MYH4: variants seen among roughly 807,000 people sequenced by gnomAD.
MYH4 encodes myosin-4.
MYH4 carries 200 observed loss-of-function variants against 229.9 expected under a neutral mutation model. The observed-to-expected ratio is 0.87, with a 90% CI of 0.78 to 0.98. MYH4 has a LOEUF of 0.98. Ranked by LOEUF, MYH4 falls within the 50% of genes least tolerant of loss-of-function variation. The probability of loss-of-function intolerance (pLI) is 0.00; values close to 1 mark genes in which losing one functional copy is unlikely to be tolerated. For synonymous variants in MYH4, 761 were observed against 834.6 expected (o/e 0.91, Z 1.52); for missense variants, 2,148 against 2,332.6 (o/e 0.92, Z 1.63).
chr17:10,444,898 A>T lies in MYH4; in HGVS notation c.5468T>A (p.Val1823Glu). Residue 1823 changes from valine (V) to glutamate (E), a missense_variant and splice_region_variant, in exon 38 of 40, where the codon GTG (valine) becomes GAG (glutamate). Coordinates refer to ENST00000255381, the MANE Select transcript of MYH4 (RefSeq NM_017533.2). The part of the protein sequence containing the change: ...KKQIQKLEAR[V>E]RELESEVESE... ...TTCCACCTCACTTTCAAGCTCTCTC[A>T]CCTGGAAGGGAACAAAGACGTTTAC... 1 of 1,614,002 alleles carries T rather than the reference A, an allele frequency of 6.2e-7. No homozygotes were observed. The highest frequency in any genetic ancestry group is 8.5e-7 in the Non-Finnish European group (1 of 1,180,014).
At position 10,445,141 on chromosome 17, in the gene MYH4, G is replaced by C. The variant is rs778008447; in HGVS notation, c.5301C>G (p.Ala1767=). The C allele has an allele frequency of 6.8e-6, 11 of 1,614,150 alleles. No individual in the cohort carries two copies. In the East Asian group the frequency reaches 2.5e-4, roughly 36 times the overall value. ...EKAKKAITDA[A]MMAEELKKEQ... ...CCTTCTTCAGCTCCTCAGCCATCAT[G>C]GCAGCCTAGTTAGCAAATAAATTTT... is the stretch of plus-strand genomic sequence containing the variant. Residue 1767 remains alanine, a synonymous_variant, in exon 37 of 40, where the codon GCC becomes GCG. Coordinates refer to ENST00000255381, the MANE Select transcript of MYH4 (RefSeq NM_017533.2).
At position 10,462,800 on chromosome 17, in the gene MYH4, A is replaced by C. The variant is rs565193720; in HGVS notation, c.1008+65T>G. 125 of 1,326,528 alleles carry C rather than the reference A, an allele frequency of 9.4e-5. 4 individuals are homozygous for C. The South Asian group carries it at 1.5e-3, about 16-fold the overall frequency. 82.2% of individuals were successfully genotyped at this position (1,326,528 alleles called of 1,614,324 possible). ...CTTTCTGCCACTGCTTTCCACCCTA[A>C]TAGAGGAGAGTGTTGTACACTGGAA... On this transcript the variant is annotated intron_variant, in intron 11 of 39. Coordinates refer to ENST00000255381, the MANE Select transcript of MYH4 (RefSeq NM_017533.2).
Position 10,451,984 on chromosome 17 carries a change from A to T in MYH4, c.3695T>A (p.Ile1232Asn). The T allele has an allele frequency of 6.2e-7, 1 of 1,613,488 alleles. No individual in the cohort carries two copies. The highest frequency in any genetic ancestry group is 8.5e-7 in the Non-Finnish European group (1 of 1,179,710). ...CTCCATGTTACTAGCAAGGTCATTGATCTCCATCTTCAGCTCACTCTTTTC... is the reference window on the plus strand; with the variant it reads ...CTCCATGTTACTAGCAAGGTCATTGTTCTCCATCTTCAGCTCACTCTTTTC... ...EKEKSELKMEINDLASNMETV... is the reference protein window; with the variant it reads ...EKEKSELKMENNDLASNMETV... Residue 1232 changes from isoleucine (I) to asparagine (N), a missense_variant, in exon 27 of 40, where the codon ATC becomes AAC. By Grantham distance (149) the Ile-to-Asn change is moderately radical. Coordinates refer to ENST00000255381, the MANE Select transcript of MYH4 (RefSeq NM_017533.2).
chr17:10,448,494 T>G lies in MYH4; in HGVS notation c.4558A>C (p.Ile1520Leu). The G allele has an allele frequency of 5.6e-6, 9 of 1,613,972 alleles. No homozygotes were observed. The highest frequency in any genetic ancestry group is 7.6e-6 in the Non-Finnish European group (9 of 1,179,960). ...QQEISDLTEQIAEGGKHIHEL... is the reference protein window; with the variant it reads ...QQEISDLTEQLAEGGKHIHEL... ...TGGATATGCTTTCCACCCTCTGCAA[T>G]TTGCTCTGTCAGGTCAGAAATCTCC... is the stretch of plus-strand genomic sequence containing the variant. Residue 1520 changes from isoleucine to leucine, a missense_variant, in exon 33 of 40, where the codon ATT (isoleucine) becomes CTT (leucine). Coordinates refer to ENST00000255381, the MANE Select transcript of MYH4 (RefSeq NM_017533.2).
In MYH4 at chr17:10,448,936, G is replaced by A. The variant is rs1188454410; in HGVS notation, c.4293C>T (p.Asp1431=). The A allele has an allele frequency of 1.2e-6, 2 of 1,614,130 alleles. No homozygotes were observed. The highest frequency in any genetic ancestry group is 1.7e-6 in the Non-Finnish European group (2 of 1,180,002). ...TAGATCGTTCCACATCAATCATGAG[G>A]TCCTCTACTTCATTCTGTAGCCTCT... ...TKQRLQNEVE[D]LMIDVERSNA... Residue 1431 remains aspartate (D), a synonymous_variant, in exon 31 of 40, where the codon GAC becomes GAT. Transcript: ENST00000255381.
chr17:10,460,937 C>T lies in MYH4; in HGVS notation c.1126G>A (p.Ala376Thr). The change falls in exon 12 of 40, where the codon GCA becomes ACA. Residue 376 changes from alanine (A) to threonine (T), a missense_variant. By Grantham distance (58) the Ala-to-Thr change is moderately conservative. Transcript: ENST00000255381. ...GTACCTTCCGTGCCATCTGGCTCTGCCTGCTCTTCCCTTTGCTTTTGCTTG... is the reference window on the plus strand; with the variant it reads ...GTACCTTCCGTGCCATCTGGCTCTGTCTGCTCTTCCCTTTGCTTTTGCTTG... ...KFKQKQREEQ[A>T]EPDGTEVADK... The T allele has an allele frequency of 6.2e-7, 1 of 1,614,088 alleles. No homozygotes were observed. Among genetic ancestry groups the T allele is most frequent in the Non-Finnish European group, 8.5e-7 (1 of 1,180,006 alleles).
chr17:10,462,666 T>C (rs776646957), intron 11 of MYH4, among the ~76,000 whole-genome samples, 199 bp downstream of exon 11: 3 of 152,226 alleles, frequency 2.0e-5, no homozygotes, highest in Admixed American at 6.5e-5. Context: ...CAACATTTAT[T>C]ACAGGCAGTG....
chr17:10,448,837 C>T (rs772527155), intron 31 of MYH4, 27 bp downstream of exon 31: 5 of 1,612,972 alleles, frequency 3.1e-6, no homozygotes, highest in Non-Finnish European at 4.2e-6. Flanking sequence ...TCAGTTTCCC[C>T]CAAGGGGAGC....
intron 25 of MYH4, 110 bp downstream of exon 25, chr17:10,452,677 T>C (rs2072590705): frequency 7.3e-7 from 1 of 1,363,910 alleles, no homozygotes; most frequent in South Asian, 1.4e-5. Flanking sequence ...AAAGATGTCA[T>C]TATTTTTTTC....
At chr17:10,456,608 T>C (rs2072641686) in intron 16 of MYH4, 53 bp from the exon 17 acceptor site, 1 of 1,466,722 alleles carries the variant, frequency 6.8e-7, no homozygotes, top group Non-Finnish European at 9.6e-7. Context: ...TTTTAAGTAC[T>C]ATCCATAAAC....
rs751290038 is a variant in MYH4 at position 10,463,417 on chromosome 17, G to A, written c.742-16C>T. 2 of 1,609,558 alleles carry A rather than the reference G, an allele frequency of 1.2e-6. No homozygotes were observed. Among genetic ancestry groups the A allele is most frequent in the Non-Finnish European group, 8.5e-7 (1 of 1,177,690 alleles). On this transcript the variant is annotated splice_polypyrimidine_tract_variant and intron_variant, in intron 8 of 39. Transcript: ENST00000255381. ...TGAATTTACCCTTAAAAAAGAAAAG[G>A]AGGGATTATTATACACATTAAAATC... is the stretch of plus-strand genomic sequence containing the variant.
At chr17:10,455,932 A>G (rs746340522) in intron 17 of MYH4, 31 bp from the exon 18 acceptor site, 2 of 1,613,500 alleles carry the variant, frequency 1.2e-6, no homozygotes, top group Non-Finnish European at 1.7e-6. Context: ...TTTTAAAATC[A>G]TTTCTAGTTG....
rs1436262258 is a variant in MYH4, at chr17:10,462,907, A to G, written c.966T>C (p.Thr322=). 7 of 1,614,038 alleles carry G rather than the reference A, an allele frequency of 4.3e-6. No individual in the cohort carries two copies. The highest frequency in any genetic ancestry group is 3.3e-5 in the Admixed American group (2 of 60,012). Residue 322 remains threonine (T), a synonymous_variant, in exon 11 of 40, where the codon ACT becomes ACC. Coordinates refer to ENST00000255381, the MANE Select transcript of MYH4 (RefSeq NM_017533.2). ...DFAFVSQGEI[T]VPSIDDQEEL... ...CTTCCTGGTCATCAATGCTGGGCAC[A>G]GTAATTTCCCCTTGGCTGACAAATG... is the stretch of plus-strand genomic sequence containing the variant.
chr17:10,448,330 G>C, intron 33 of MYH4, 66 bp downstream of exon 33: 1 of 1,513,138 alleles, frequency 6.6e-7, no homozygotes, highest in Non-Finnish European at 8.9e-7. Flanking sequence ...CAACATGATA[G>C]AGATCTCAGT....
At chr17:10,458,478 C>T (rs1348370595) in intron 15 of MYH4, among the ~76,000 whole-genome samples, 1 of 152,166 alleles carries the variant, frequency 6.6e-6, no homozygotes, top group East Asian at 1.9e-4. Context: ...CAGACCTAGT[C>T]TGCTTTTAAA....
At chr17:10,458,891 A>T (rs564989356) in intron 15 of MYH4, among the ~76,000 whole-genome samples, 1 of 152,208 alleles carries the variant, frequency 6.6e-6, no homozygotes, top group Non-Finnish European at 1.5e-5. Context: ...AGGGATGATG[A>T]TAAATGCACA....
At chr17:10,463,731 A>G in intron 7 of MYH4, 88 bp from the exon 8 acceptor site, 1 of 1,012,482 alleles carries the variant, frequency 9.9e-7, no homozygotes, top group East Asian at 2.5e-5. Flanking sequence ...TTGCCCCTGC[A>G]CAGTATTCTG....
chr17:10,460,217 G>A lies in MYH4; in HGVS notation c.1252C>T (p.Gln418Ter). The A allele has an allele frequency of 6.2e-7, 1 of 1,614,030 alleles. No homozygotes were observed. The highest frequency in any genetic ancestry group is 2.2e-5 in the East Asian group (1 of 44,882). Residue 418 changes from glutamine to a stop codon, truncating the protein, a stop_gained, in exon 13 of 40, where the codon CAG becomes TAG. Coordinates refer to ENST00000255381, the MANE Select transcript of MYH4 (RefSeq NM_017533.2). LOFTEE classifies it high-confidence loss of function. ...KVGNEFVTKG[Q>*]TVQQVYNAVG... ...GTCATGTTTACCTGCTGCACAGTCT[G>A]GCCTTTGGTTACGAACTCATTGCCG...
Position 10,454,988 on chromosome 17 carries a change from G to T in MYH4, c.2388C>A (p.Cys796Ter), listed in dbSNP as rs373216084. 12 of 1,614,056 alleles carry T rather than the reference G, an allele frequency of 7.4e-6. No homozygotes were observed. Among genetic ancestry groups the T allele is most frequent in the Non-Finnish European group, 9.3e-6 (11 of 1,180,040 alleles). The change falls in exon 21 of 40, where the codon TGC (cysteine) becomes TGA (stop). Residue 796 changes from cysteine to a stop codon, truncating the protein, a stop_gained. Coordinates refer to ENST00000255381, the MANE Select transcript of MYH4 (RefSeq NM_017533.2). LOFTEE classifies it high-confidence loss of function. The part of the protein sequence containing the change: ...AQLITRTQAI[C>*]RGFLMRVEFR... The stretch of plus-strand genomic sequence containing the variant: ...ACTCCACTCTCATCAGGAACCCTCT[G>T]CATATGGCTTGAGTGCGCGTGATGA...
Sources: allele counts gnomAD v4.1 joint callset (sites outside exome capture counted in the v4.1 genomes callset), GRCh38; gene constraint gnomAD v4.1.1; transcripts MANE v1.5; gene names NCBI Gene and HGNC (gene_info 2026-07-23, HGNC 2026-07-21).